Variants in ANKRD45 observed in about 807,000 individuals in gnomAD.
ANKRD45 encodes the protein ankyrin repeat domain 45, also known as ankyrin repeat domain-containing protein 45.
ANKRD45 carries 21 observed loss-of-function variants against 28.1 expected under a neutral mutation model. The ratio of observed to expected loss-of-function variants is 0.75; its 90% confidence interval spans 0.53 to 1.08. The LOEUF (loss-of-function observed/expected upper bound fraction) is 1.08, where lower values mean the gene tolerates loss of function less well. Among genes scored for constraint, ANKRD45 ranks in the 50% least tolerant of loss-of-function variants. ANKRD45 has a pLI of 0.00. For synonymous variants in ANKRD45, 86 were observed against 103.9 expected (o/e 0.83, Z 1.05); for missense variants, 261 against 308.7 (o/e 0.85, Z 1.16).
At chr1:173,688,565 T>TCTCTCTGCCTCTTC in the ANKRD45 span, among the ~76,000 whole-genome samples, 1 of 134,164 alleles carries the variant, frequency 7.5e-6, no homozygotes, top group African/African-American at 2.6e-5. Flanking sequence ...CCTCTTCCTC[T>TCTCTCTGCCTCTTC]CTCTCTCTCT....
At chr1:173,659,964 A>G (rs1669707556) in intron 1 of ANKRD45, among the ~76,000 whole-genome samples, 1 of 152,234 alleles carries the variant, frequency 6.6e-6, no homozygotes, top group Non-Finnish European at 1.5e-5. Context: ...AAAGGAAAAA[A>G]TATGAAGTGC....
At position 173,615,312 on chromosome 1, in the gene ANKRD45, G is replaced by C. The variant is rs189160651; in HGVS notation, c.731-5097C>G. ...AGGCAGGAGAATCGCTTGAACCAGG[G>C]AGTCAGAAGTTGCAATGAGCTGAGA... On this transcript the variant is annotated intron_variant, in intron 5 of 5. Coordinates refer to ENST00000333279, the MANE Select transcript of ANKRD45 (RefSeq NM_198493.3). Among the ~76,000 whole-genome samples the C allele has an allele frequency of 2.9e-4, 43 of 150,608 alleles. No homozygotes were observed. The East Asian group carries it at 8.3e-3, about 29-fold the overall frequency.
the ANKRD45 span, among the ~76,000 whole-genome samples, chr1:173,684,790 C>T: frequency 1.3e-5 from 2 of 152,204 alleles, no homozygotes; most frequent in African/African-American, 2.4e-5. Flanking sequence ...TTTCCCAAGC[C>T]ATCTGGCTAG....
chr1:173,619,960 T>A (rs1047325327), intron 5 of ANKRD45, among the ~76,000 whole-genome samples: 1 of 152,050 alleles, frequency 6.6e-6, no homozygotes, highest in African/African-American at 2.4e-5. Context: ...TAAAACAAGT[T>A]CTTAGAAACC....
the ANKRD45 span, among the ~76,000 whole-genome samples, chr1:173,708,501 TG>T: frequency 6.6e-6 from 1 of 152,260 alleles, no homozygotes; most frequent in East Asian, 1.9e-4. Context: ...TGCCTTGATC[TG>T]GGGCCTCCCA....
At position 173,646,960 on chromosome 1, in the gene ANKRD45, C is replaced by T. The variant is rs767146121; in HGVS notation, c.382G>A (p.Ala128Thr). 9 of 1,614,024 alleles carry T rather than the reference C, an allele frequency of 5.6e-6. No individual in the cohort carries two copies. The South Asian group carries it at 9.9e-5, about 18-fold the overall frequency. ...AAWGRLETLK[A>T]LVELDVDIEA... Reference sequence around the variant, plus strand: ...ATATCAACATCCAGTTCTACCAGTGCTTTCAAAGTTTCCAAACGACCCCAG... The same window carrying T: ...ATATCAACATCCAGTTCTACCAGTGTTTTCAAAGTTTCCAAACGACCCCAG... The change falls in exon 3 of 6, where the codon GCA (alanine) becomes ACA (threonine). Residue 128 changes from alanine to threonine, a missense_variant. By Grantham distance (58) the Ala-to-Thr change is moderately conservative. Coordinates refer to ENST00000333279, the MANE Select transcript of ANKRD45 (RefSeq NM_198493.3).
chr1:173,643,938 C>T (rs1261050795), intron 3 of ANKRD45, among the ~76,000 whole-genome samples: 3 of 152,136 alleles, frequency 2.0e-5, no homozygotes, highest in African/African-American at 4.8e-5. Context: ...CCTTTACCTC[C>T]GTTCCTCCTT....
chr1:173,658,018 A>C (rs981701140), intron 2 of ANKRD45: 3 of 152,092 alleles, frequency 2.0e-5, no homozygotes, highest in Non-Finnish European at 2.9e-5. Context: ...TCTGTGACCA[A>C]TAGATGATTT....
At chr1:173,664,001 T>C (rs1209181490) in intron 1 of ANKRD45, among the ~76,000 whole-genome samples, 1 of 152,202 alleles carries the variant, frequency 6.6e-6, no homozygotes, top group Non-Finnish European at 1.5e-5. Flanking sequence ...TCACTGTTTT[T>C]TGTCGCATTC....
intron 3 of ANKRD45, among the ~76,000 whole-genome samples, chr1:173,641,478 C>G (rs1225462287): frequency 6.6e-6 from 1 of 152,210 alleles, no homozygotes; most frequent in African/African-American, 2.4e-5. Context: ...TACTTCCTGC[C>G]TCTCATGGCA....
chr1:173,694,964 C>T, the ANKRD45 span, among the ~76,000 whole-genome samples: 1 of 151,956 alleles, frequency 6.6e-6, no homozygotes, highest in Non-Finnish European at 1.5e-5. Flanking sequence ...ATTTAAAAGA[C>T]ATTTATTAGT....
chr1:173,692,439 G>A, the ANKRD45 span, among the ~76,000 whole-genome samples: 1 of 152,140 alleles, frequency 6.6e-6, no homozygotes, highest in South Asian at 2.1e-4. Flanking sequence ...CTCTCCAAAG[G>A]AGGCAATGAG....
intron 2 of ANKRD45, among the ~76,000 whole-genome samples, chr1:173,654,285 A>G (rs1215281507): frequency 1.3e-5 from 2 of 152,118 alleles, no homozygotes; most frequent in African/African-American, 4.8e-5. Flanking sequence ...CTTGTAAGGC[A>G]GGCCTGGTGG....
the ANKRD45 span, among the ~76,000 whole-genome samples, chr1:173,695,023 T>C: frequency 3.2e-4 from 48 of 152,204 alleles, no homozygotes; most frequent in African/African-American, 1.1e-3. Flanking sequence ...ATATTACTGG[T>C]AAAATTGAGA....
chr1:173,664,378 G>A (rs939854533), intron 1 of ANKRD45, among the ~76,000 whole-genome samples: 7 of 152,150 alleles, frequency 4.6e-5, no homozygotes, highest in Admixed American at 4.6e-4. Flanking sequence ...TCAAACCTTA[G>A]AGAATAGAGG....
chr1:173,636,855 C>T, intron 3 of ANKRD45: 1 of 1,535,546 alleles, frequency 6.5e-7, no homozygotes, highest in Non-Finnish European at 8.7e-7. Flanking sequence ...TTAGAAAAAC[C>T]TGGTAATGAT....
At chr1:173,657,196 G>A (rs2102383210) in intron 2 of ANKRD45, 2 of 158,792 alleles carry the variant, frequency 1.3e-5, no homozygotes, top group South Asian at 1.4e-4. Context: ...GCTGGGCGCG[G>A]TGACTCACAC....
At chr1:173,691,883 T>C in the ANKRD45 span, among the ~76,000 whole-genome samples, 11,466 of 152,256 alleles carry the variant, frequency 0.075, 1,435 homozygotes, top group African/African-American at 0.26. Flanking sequence ...GTTCTTATCC[T>C]TGACGCACAT....
intron 1 of ANKRD45, among the ~76,000 whole-genome samples, chr1:173,664,418 A>G (rs943129937): frequency 2.0e-5 from 3 of 152,192 alleles, no homozygotes; most frequent in Non-Finnish European, 4.4e-5. Context: ...CTTTCACTGG[A>G]ACACCAGGGT....
Sources: allele counts gnomAD v4.1 joint callset (sites outside exome capture counted in the v4.1 genomes callset), GRCh38; gene constraint gnomAD v4.1.1; transcripts MANE v1.5; gene names NCBI Gene and HGNC (gene_info 2026-07-23, HGNC 2026-07-21).